TUBB8: variants seen among roughly 807,000 people sequenced by gnomAD.
TUBB8 encodes the protein tubulin beta-8 chain.
In TUBB8, 25 loss-of-function variants were observed where a neutral mutation model predicts 33.7. The observed-to-expected ratio is 0.74, with a 90% CI of 0.54 to 1.04. The LOEUF (loss-of-function observed/expected upper bound fraction) is 1.04. Ranked by LOEUF, TUBB8 falls within the 50% of genes least tolerant of loss-of-function variation. The pLI is 0.00. For synonymous variants in TUBB8, 245 were observed against 240.1 expected (o/e 1.02, Z -0.19); for missense variants, 279 against 608.0 (o/e 0.46, Z 5.69).
upstream of TUBB8, among the ~76,000 whole-genome samples, chr10:75,320 G>A (rs551541114): frequency 4.0e-5 from 6 of 151,890 alleles, no homozygotes; most frequent in Non-Finnish European, 8.8e-5. Flanking sequence ...CTGCACTCCA[G>A]CCTGGGTGAC....
At chr10:49,127 C>T (rs556647159) in intron 1 of TUBB8, 55 bp downstream of exon 1, 25 of 1,531,120 alleles carry the variant, frequency 1.6e-5, no homozygotes, top group South Asian at 1.4e-4. Context: ...CTGCCAACAC[C>T]TTCCCCGGCC....
chr10:56,080 G>A (rs1347801503), intron 1 of TUBB8, among the ~76,000 whole-genome samples: 3 of 152,180 alleles, frequency 2.0e-5, no homozygotes, highest in African/African-American at 7.2e-5. Flanking sequence ...GGATCGCATG[G>A]ACATTTTTTA....
chr10:75,220 G>GT (rs1386895091), upstream of TUBB8, among the ~76,000 whole-genome samples: 20 of 151,662 alleles, frequency 1.3e-4, no homozygotes, highest in African/African-American at 4.4e-4. Flanking sequence ...ATGGTGGCTG[G>GT]TGCCTATACT....
intron 1 of TUBB8, among the ~76,000 whole-genome samples, chr10:66,335 A>G (rs1277319943): frequency 6.6e-6 from 1 of 152,224 alleles, no homozygotes; most frequent in Non-Finnish European, 1.5e-5. Flanking sequence ...AGCAACAAAC[A>G]ACATGAGAAT....
chr10:47,654 C>T lies in TUBB8; in HGVS notation c.738G>A (p.Leu246=). Residue 246 remains leucine, a synonymous_variant, in exon 4 of 4, where the codon CTG becomes CTA. Transcript: ENST00000568584. The part of the protein sequence containing the change: ...VTTCLRFPGQ[L]NADLRKLAVN... Reference sequence around the variant, plus strand: ...CGGCCAGCTTCCGCAGGTCAGCATTCAGCTGGCCCGGGAAGCGCAGGCACG... The same window carrying T: ...CGGCCAGCTTCCGCAGGTCAGCATTTAGCTGGCCCGGGAAGCGCAGGCACG... 2.5e-5 allele frequency: 41 copies of T among 1,608,798 alleles called. No homozygotes were observed. Among genetic ancestry groups the T allele is most frequent in the Non-Finnish European group, 3.5e-5 (41 of 1,177,740 alleles).
intron 1 of TUBB8, among the ~76,000 whole-genome samples, chr10:73,774 G>A (rs1834768889): frequency 6.6e-6 from 1 of 151,724 alleles, no homozygotes. Flanking sequence ...CTCCTCTCCC[G>A]GTACCAGGGT....
chr10:73,478 T>C (rs1318174180), intron 1 of TUBB8, among the ~76,000 whole-genome samples: 1 of 152,208 alleles, frequency 6.6e-6, no homozygotes, highest in African/African-American at 2.4e-5. Context: ...ACCCCGTCTC[T>C]ACTAAAAATA....
At chr10:68,561 T>C (rs1201483580) in intron 1 of TUBB8, among the ~76,000 whole-genome samples, 1 of 152,212 alleles carries the variant, frequency 6.6e-6, no homozygotes, top group Admixed American at 6.5e-5. Context: ...TTTGATGCCA[T>C]CTCTGCTTTA....
At chr10:60,977 C>CA (rs1269028115) in intron 1 of TUBB8, among the ~76,000 whole-genome samples, 2 of 149,506 alleles carry the variant, frequency 1.3e-5, no homozygotes, top group Non-Finnish European at 3.0e-5. Flanking sequence ...ATCGCAAGAA[C>CA]AAAAAACCAA....
chr10:63,483 T>C (rs1389247561), intron 1 of TUBB8, among the ~76,000 whole-genome samples: 1 of 152,246 alleles, frequency 6.6e-6, no homozygotes, highest in African/African-American at 2.4e-5. Context: ...TGCTTTATTC[T>C]TTATTCTTTT....
intron 1 of TUBB8, among the ~76,000 whole-genome samples, chr10:64,700 C>G (rs1240712281): frequency 1.3e-5 from 2 of 152,222 alleles, no homozygotes; most frequent in African/African-American, 4.8e-5. Flanking sequence ...TCAACACACT[C>G]ACATATGCAT....
At chr10:72,236 C>CA (rs1416372676) in intron 1 of TUBB8, among the ~76,000 whole-genome samples, 12,694 of 104,058 alleles carry the variant, frequency 0.12, no homozygotes, top group African/African-American at 0.25. Context: ...AAAAAACAAA[C>CA]AAAAAAATTT....
intron 1 of TUBB8, among the ~76,000 whole-genome samples, chr10:64,731 G>A (rs1241440888): frequency 6.6e-6 from 1 of 152,192 alleles, no homozygotes; most frequent in African/African-American, 2.4e-5. Context: ...ATACTGAAAT[G>A]TCATCTGATT....
At chr10:52,287 G>A (rs1163033340), upstream of TUBB8, among the ~76,000 whole-genome samples, 2 of 152,182 alleles carry the variant, frequency 1.3e-5, no homozygotes, top group Non-Finnish European at 1.5e-5. Context: ...ATGATTCTAT[G>A]TGGATTGTTT....
At chr10:67,679 A>G (rs1444176486) in intron 1 of TUBB8, among the ~76,000 whole-genome samples, 1 of 144,568 alleles carries the variant, frequency 6.9e-6, no homozygotes, top group Non-Finnish European at 1.5e-5. Flanking sequence ...CCTGCCTTGG[A>G]CTCCAAAAGT....
At chr10:67,156 T>G (rs1488970326) in intron 1 of TUBB8, among the ~76,000 whole-genome samples, 3 of 133,302 alleles carry the variant, frequency 2.3e-5, no homozygotes, top group Admixed American at 7.1e-5. Context: ...TTTTGTTGTT[T>G]TTTTTTTTTT....
intron 1 of TUBB8, among the ~76,000 whole-genome samples, chr10:54,517 A>G (rs1834505763): frequency 6.6e-6 from 1 of 151,856 alleles, no homozygotes; most frequent in African/African-American, 2.4e-5. Flanking sequence ...GATAAAAGCC[A>G]CCTTAACTGA....
chr10:73,423 CTGA>C, intron 1 of TUBB8, among the ~76,000 whole-genome samples: 1 of 152,210 alleles, frequency 6.6e-6, no homozygotes, highest in Non-Finnish European at 1.5e-5. Context: ...GGTGAATCAC[CTGA>C]TGAGGTTGGG....
chr10:49,580 T>C (rs1834438967), upstream of TUBB8: 2 of 550,364 alleles, frequency 3.6e-6, no homozygotes, highest in Admixed American at 2.2e-5. Flanking sequence ...GGGAAGACTC[T>C]TGTTTCCATA....
Sources: allele counts gnomAD v4.1 joint callset (sites outside exome capture counted in the v4.1 genomes callset), GRCh38; gene constraint gnomAD v4.1.1; transcripts MANE v1.5; gene names NCBI Gene and HGNC (gene_info 2026-07-23, HGNC 2026-07-21).